Variants in NOTCH2NLR observed in about 807,000 individuals in gnomAD.
NOTCH2NLR encodes the protein notch 2 N-terminal like R (pseudogene).
Under a neutral mutation model 35.6 loss-of-function variants are expected in NOTCH2NLR, and 33 were observed. That is an observed-to-expected ratio of 0.93 (90% CI 0.70 to 1.24). The LOEUF (loss-of-function observed/expected upper bound fraction) is 1.24, where lower values mean the gene tolerates loss of function less well. Ranked by LOEUF, NOTCH2NLR falls within the 50% of genes most tolerant of loss-of-function variation. The probability of loss-of-function intolerance (pLI) is 0.00; values close to 1 mark genes in which losing one functional copy is unlikely to be tolerated. For missense variants in NOTCH2NLR, 276 were observed against 362.2 expected (o/e 0.76, Z 1.93); for synonymous variants, 103 against 141.0 (o/e 0.73, Z 1.91).
chr1:120,789,966 T>G (rs1294586743), intron 3 of NOTCH2NLR, among the ~76,000 whole-genome samples: 1 of 88,286 alleles, frequency 1.1e-5, no homozygotes, highest in East Asian at 2.4e-4. Flanking sequence ...TCCTTGTTGT[T>G]AAGAAGGATC....
intron 1 of NOTCH2NLR, among the ~76,000 whole-genome samples, chr1:120,728,631 C>G (rs1222973962): frequency 3.4e-5 from 4 of 117,182 alleles, no homozygotes; most frequent in Non-Finnish European, 6.5e-5. Context: ...CCAGAATAGC[C>G]ACACCTTACT....
intron 3 of NOTCH2NLR, among the ~76,000 whole-genome samples, chr1:120,789,519 A>G (rs1651459962): frequency 8.9e-6 from 1 of 112,438 alleles, no homozygotes; most frequent in Non-Finnish European, 1.7e-5. Context: ...TGAGGAACCC[A>G]TCAGATCTCA....
In NOTCH2NLR at chr1:120,781,860, GCT is replaced by G. The variant is rs1651366027; in HGVS notation, c.156-3113_156-3112del. Among the ~76,000 whole-genome samples the G allele has an allele frequency of 1.7e-5, 2 of 116,932 alleles. 1 individual carries two copies. Among genetic ancestry groups the G allele is most frequent in the Non-Finnish European group, 3.3e-5 (2 of 60,778 alleles). The allele number at this position is 116,932 out of a possible 152,430, so 76.7% of individuals were successfully genotyped here. A position where few individuals can be genotyped will look rare whatever the true frequency, so the allele number is the denominator to read the frequency against. On this transcript the variant is annotated intron_variant, in intron 2 of 4. Coordinates refer to ENST00000624419, the Ensembl canonical transcript of NOTCH2NLR. ...GGTGTGAGCCACCGCACCTGGCTTAGCTGTAAAATCTTAATCTTTCTAAGCTT... is the reference window on the plus strand; with the variant it reads ...GGTGTGAGCCACCGCACCTGGCTTAGGTAAAATCTTAATCTTTCTAAGCTT...
At position 120,724,122 on chromosome 1, in the gene NOTCH2NLR, C is replaced by A. The variant is rs1650785722; in HGVS notation, c.-56C>A. On this transcript the variant is annotated 5_prime_UTR_variant, in exon 1 of 5. The change creates a new upstream start codon in the 5' untranslated region. Coordinates refer to ENST00000624419, the Ensembl canonical transcript of NOTCH2NLR. ...ATCGGGACCCCCTCCCCATGTGGATCTGCCCAGGCGGCGGCGGCGGCGGCG... is the reference window on the plus strand; with the variant it reads ...ATCGGGACCCCCTCCCCATGTGGATATGCCCAGGCGGCGGCGGCGGCGGCG... 4.4e-6 allele frequency: 6 copies of A among 1,351,882 alleles called. 1 individual carries two copies. The Admixed American group carries it at 1.3e-4, about 28-fold the overall frequency. 83.7% of individuals were successfully genotyped at this position (1,351,882 alleles called of 1,614,324 possible).
In NOTCH2NLR at chr1:120,747,637, A is replaced by G. The variant is rs1650990717; in HGVS notation, c.74-15991A>G. Among the ~76,000 whole-genome samples, 2 of 28,124 alleles carry G rather than the reference A, an allele frequency of 7.1e-5. 1 individual carries two copies. Among genetic ancestry groups the G allele is most frequent in the African/African-American group, 8.8e-4 (2 of 2,270 alleles). 18.5% of individuals were successfully genotyped at this position (28,124 alleles called of 152,430 possible). A position where few individuals can be genotyped will look rare whatever the true frequency, so the allele number is the denominator to read the frequency against. On this transcript the variant is annotated intron_variant, in intron 1 of 4. Transcript: ENST00000624419. The stretch of plus-strand genomic sequence containing the variant: ...CATATGTTAACTCTAAGTAAAGCTT[A>G]TTATATGTTTTTTAGCCCATAAATA...
rs1257789946 is a variant in NOTCH2NLR, at chr1:120,785,172, C to A, written c.354C>A (p.Gly118=). Reference sequence around the variant, plus strand: ...TTGTGTCTCGACCTTGCCTGAATGGCGGCACATGCCATATGCTCAGCCGGG... The same window carrying A: ...TTGTGTCTCGACCTTGCCTGAATGGAGGCACATGCCATATGCTCAGCCGGG... Residue 118 remains glycine (G), a synonymous_variant, in exon 3 of 5, where the codon GGC becomes GGA. Transcript: ENST00000624419. 4.5e-4 allele frequency: 644 copies of A among 1,445,788 alleles called. 143 individuals carry two copies. In the Middle Eastern group the frequency reaches 5.1e-3, roughly 12 times the overall value. 89.6% of individuals were successfully genotyped at this position (1,445,788 alleles called of 1,614,324 possible). A position where few individuals can be genotyped will look rare whatever the true frequency, so the allele number is the denominator to read the frequency against.
At chr1:120,769,868 CA>C (rs1381786734) in intron 2 of NOTCH2NLR, among the ~76,000 whole-genome samples, 3 of 106,812 alleles carry the variant, frequency 2.8e-5, no homozygotes, top group Non-Finnish European at 5.7e-5. Context: ...GCCTTCTGTA[CA>C]GGGGCCGCCA....
Position 120,784,888 on chromosome 1 carries a change from C to T in NOTCH2NLR, c.156-86C>T, listed in dbSNP as rs1362193260. 7 of 1,021,694 alleles carry T rather than the reference C, an allele frequency of 6.9e-6. 1 individual carries two copies. The highest frequency in any genetic ancestry group is 9.8e-6 in the Non-Finnish European group (7 of 713,968). 63.3% of individuals were successfully genotyped at this position (1,021,694 alleles called of 1,614,324 possible). Reference sequence around the variant, plus strand: ...CTGTTGATTCACAATCTCGTGCTTTCTTGATTGGACTGTATTGTTTTACTG... The same window carrying T: ...CTGTTGATTCACAATCTCGTGCTTTTTTGATTGGACTGTATTGTTTTACTG... On this transcript the variant is annotated intron_variant, in intron 2 of 4. Transcript: ENST00000624419.
chr1:120,758,990 T>C lies in NOTCH2NLR; in HGVS notation c.74-4638T>C, dbSNP rs1223141366. On this transcript the variant is annotated intron_variant, in intron 1 of 4. Transcript: ENST00000624419. ...TCCAATGGAACTTATCGCTTATTAC[T>C]GTCCTAAATTATTTTATTAATTTTT... Among the ~76,000 whole-genome samples the C allele has an allele frequency of 9.0e-5, 10 of 111,502 alleles. 2 individuals are homozygous for C. Among genetic ancestry groups the C allele is most frequent in the Non-Finnish European group, 1.2e-4 (7 of 59,532 alleles). 73.1% of individuals were successfully genotyped at this position (111,502 alleles called of 152,430 possible). A position where few individuals can be genotyped will look rare whatever the true frequency, so the allele number is the denominator to read the frequency against.
rs1650855598 is a variant in NOTCH2NLR at position 120,729,692 on chromosome 1, T to TATCAA, written c.73+5443_73+5447dup. ...TGGGCACTGGTGGGAGAATAACATT[T>TATCAA]ATCAAGCAGTGTTTCCCTAACTTCT... On this transcript the variant is annotated intron_variant, in intron 1 of 4. Coordinates refer to ENST00000624419, the Ensembl canonical transcript of NOTCH2NLR. 5.1e-5 allele frequency among the ~76,000 whole-genome samples: 6 copies of TATCAA among 117,636 alleles called. 1 individual carries two copies. The South Asian group carries it at 1.5e-3, about 29-fold the overall frequency. The allele number at this position is 117,636 out of a possible 152,430, so 77.2% of individuals were successfully genotyped here. A position where few individuals can be genotyped will look rare whatever the true frequency, so the allele number is the denominator to read the frequency against.
chr1:120,775,929 G>C (rs2101434934), intron 2 of NOTCH2NLR, among the ~76,000 whole-genome samples: 1 of 78,940 alleles, frequency 1.3e-5, no homozygotes, highest in South Asian at 3.7e-4. Flanking sequence ...GGCCCAATTT[G>C]ACTGATATAG....
At chr1:120,750,800 T>C (rs1467361495) in intron 1 of NOTCH2NLR, among the ~76,000 whole-genome samples, 2 of 109,688 alleles carry the variant, frequency 1.8e-5, no homozygotes, top group African/African-American at 5.7e-5. Flanking sequence ...TTACATTGGA[T>C]TGGGGGAGGG....
chr1:120,790,371 C>G lies in NOTCH2NLR; in HGVS notation c.416-2790C>G, dbSNP rs1445184969. Among the ~76,000 whole-genome samples the G allele has an allele frequency of 1.8e-4, 21 of 114,674 alleles. 5 individuals are homozygous for G. Among genetic ancestry groups the G allele is most frequent in the African/African-American group, 3.7e-4 (7 of 19,084 alleles). The allele number at this position is 114,674 out of a possible 152,430, so 75.2% of individuals were successfully genotyped here. On this transcript the variant is annotated intron_variant, in intron 3 of 4. Transcript: ENST00000624419. ...TTGTCTATCACTTTAGGAATCATCA[C>G]AGATCAAGGTCATCCTTTTGGTTTT... is the stretch of plus-strand genomic sequence containing the variant.
rs1328639768 is a variant in NOTCH2NLR, at chr1:120,764,972, GT to G, written c.155+1269del. Among the ~76,000 whole-genome samples, 62 of 82,604 alleles carry G rather than the reference GT, an allele frequency of 7.5e-4. 12 individuals are homozygous for G. The highest frequency in any genetic ancestry group is 4.2e-3 in the African/African-American group (53 of 12,606). 54.2% of individuals were successfully genotyped at this position (82,604 alleles called of 152,430 possible). ...AGATCTGTTCTGACACCAGGATTTA[GT>G]TTTTTAATGTTATAAACAAGATTTT... On this transcript the variant is annotated intron_variant, in intron 2 of 4. Transcript: ENST00000624419.
At position 120,759,054 on chromosome 1, in the gene NOTCH2NLR, C is replaced by T. The variant is rs1651105785; in HGVS notation, c.74-4574C>T. ...CTTATAGAAATAAGGTTCCTGAGGA[C>T]AGGGAGTTTATTCTGTATACTACGG... On this transcript the variant is annotated intron_variant, in intron 1 of 4. Coordinates refer to ENST00000624419, the Ensembl canonical transcript of NOTCH2NLR. Among the ~76,000 whole-genome samples, 3 of 102,412 alleles carry T rather than the reference C, an allele frequency of 2.9e-5. 1 individual carries two copies. Among genetic ancestry groups the T allele is most frequent in the Admixed American group, 2.9e-4 (3 of 10,350 alleles). The allele number at this position is 102,412 out of a possible 152,430, so 67.2% of individuals were successfully genotyped here.
rs1390741693 is a variant in NOTCH2NLR at position 120,785,222 on chromosome 1, T to C, written c.404T>C (p.Val135Ala). ...GATACCTATGAGTGCACCTGTCAAG[T>C]CGGGTTTACAGGTAACTAATGAGAC... Residue 135 changes from valine to alanine, a missense_variant, in exon 3 of 5, where the codon GTC becomes GCC. By Grantham distance (64) the Val-to-Ala change is moderately conservative. Transcript: ENST00000624419. 6.2e-6 allele frequency: 9 copies of C among 1,445,114 alleles called. 1 individual carries two copies. The highest frequency in any genetic ancestry group is 8.3e-6 in the Non-Finnish European group (9 of 1,081,430). The allele number at this position is 1,445,114 out of a possible 1,614,324, so 89.5% of individuals were successfully genotyped here. A position where few individuals can be genotyped will look rare whatever the true frequency, so the allele number is the denominator to read the frequency against.
At position 120,770,849 on chromosome 1, in the gene NOTCH2NLR, G is replaced by A. The variant is rs1280776124; in HGVS notation, c.155+7140G>A. Among the ~76,000 whole-genome samples, 4 of 116,858 alleles carry A rather than the reference G, an allele frequency of 3.4e-5. 1 individual carries two copies. Among genetic ancestry groups the A allele is most frequent in the African/African-American group, 2.0e-4 (4 of 20,112 alleles). 76.7% of individuals were successfully genotyped at this position (116,858 alleles called of 152,430 possible). The stretch of plus-strand genomic sequence containing the variant: ...TGGAACATTTGAAAGTATACAAAAA[G>A]GGGACTTTTCAGATCAGGAATATGA... On this transcript the variant is annotated intron_variant, in intron 2 of 4. Coordinates refer to ENST00000624419, the Ensembl canonical transcript of NOTCH2NLR.
intron 1 of NOTCH2NLR, among the ~76,000 whole-genome samples, chr1:120,759,267 CTTTTTTT>C (rs1169932555): frequency 3.0e-4 from 10 of 33,284 alleles, no homozygotes; most frequent in Middle Eastern, 0.017. Flanking sequence ...CTTCTTTTTG[CTTTTTTT>C]TTTTTTTTTT....
At position 120,783,600 on chromosome 1, in the gene NOTCH2NLR, G is replaced by A. The variant is rs1259629614; in HGVS notation, c.156-1374G>A. ...GTGGCAGCACATATTAGGATAGAGA[G>A]ATGACTTCTAGAAAACTGAACATAT... On this transcript the variant is annotated intron_variant, in intron 2 of 4. Transcript: ENST00000624419. Among the ~76,000 whole-genome samples the A allele has an allele frequency of 1.1e-4, 10 of 92,626 alleles. 3 individuals are homozygous for A. The highest frequency in any genetic ancestry group is 7.5e-4 in the African/African-American group (10 of 13,356). The allele number at this position is 92,626 out of a possible 152,430, so 60.8% of individuals were successfully genotyped here.
Sources: allele counts gnomAD v4.1 joint callset (sites outside exome capture counted in the v4.1 genomes callset), GRCh38; gene constraint gnomAD v4.1.1; transcripts MANE v1.5; gene names NCBI Gene and HGNC (gene_info 2026-07-23, HGNC 2026-07-21).